PAK3: variants seen among roughly 807,000 people sequenced by gnomAD.
PAK3 encodes the protein serine/threonine-protein kinase PAK 3.
In PAK3, 4 loss-of-function variants were observed where a neutral mutation model predicts 41.0. That is an observed-to-expected ratio of 0.10 (90% CI 0.05 to 0.22). PAK3 has a LOEUF of 0.22. PAK3 is among the 10% of genes least tolerant of loss of function. The pLI is 1.00. For synonymous variants in PAK3, 146 were observed against 139.6 expected, an observed-to-expected ratio of 1.05 and a Z score of -0.32; for missense variants, 205 against 409.9, an observed-to-expected ratio of 0.50 and a Z score of 4.32.
intron 14 of PAK3, among the ~76,000 whole-genome samples, chrX:111,195,024 AC>A (rs1006422217): frequency 4.4e-4 from 49 of 111,843 alleles, no homozygotes; most frequent in African/African-American, 1.4e-3. Flanking sequence ...AAACACACAC[AC>A]TTTTTTACTG....
At chrX:111,067,084 T>C (rs2092707368) in intron 1 of PAK3, among the ~76,000 whole-genome samples, 1 of 112,046 alleles carries the variant, frequency 8.9e-6, no homozygotes, top group African/African-American at 3.2e-5. Flanking sequence ...CTCAGATTTT[T>C]ATATAGCCAT....
At chrX:111,189,673 T>G (rs2094544425) in intron 11 of PAK3, among the ~76,000 whole-genome samples, 1 of 111,943 alleles carries the variant, frequency 8.9e-6, no homozygotes, top group Non-Finnish European at 1.9e-5. Context: ...CTGTGATGAT[T>G]ATTGATGTGG....
chrX:111,073,678 A>C (rs1255876656), intron 1 of PAK3, among the ~76,000 whole-genome samples: 5 of 112,304 alleles, frequency 4.5e-5, no homozygotes, highest in Non-Finnish European at 9.4e-5. Context: ...AAATATGAAC[A>C]GACAAATGGT....
At chrX:111,010,428 A>G (rs2091995156) in intron 1 of PAK3, among the ~76,000 whole-genome samples, 1 of 111,363 alleles carries the variant, frequency 9.0e-6, no homozygotes, top group Non-Finnish European at 1.9e-5. Context: ...GCTAGCTGAT[A>G]TGGTTTGGAT....
intron 3 of PAK3, among the ~76,000 whole-genome samples, 168 bp from the exon 4 acceptor site, chrX:111,102,991 T>C (rs889104584): frequency 9.3e-6 from 1 of 107,144 alleles, no homozygotes; most frequent in African/African-American, 3.6e-5. Context: ...ACCAGAGAGA[T>C]TGAGAAAGAG....
chrX:111,173,181 T>C, intron 11 of PAK3, 100 bp downstream of exon 11: 1 of 508,173 alleles, frequency 2.0e-6, no homozygotes, highest in East Asian at 3.7e-5. Flanking sequence ...ATTATGCTTC[T>C]CATTTCCTAG....
At position 110,996,268 on chromosome X, in the gene PAK3, T is replaced by C. The variant is rs772017555; in HGVS notation, c.-28+51640T>C. Among the ~76,000 whole-genome samples the C allele has an allele frequency of 6.2e-5, 7 of 112,059 alleles. No homozygotes were observed. The East Asian group carries it at 2.0e-3, about 31-fold the overall frequency. On this transcript the variant is annotated intron_variant, in intron 1 of 14. Transcript: ENST00000425146. ...ACAAACTATAATTATTTTGCTTATTTTAGCAACTTATTTAGTAAATATTTA... is the reference window on the plus strand; with the variant it reads ...ACAAACTATAATTATTTTGCTTATTCTAGCAACTTATTTAGTAAATATTTA...
chrX:111,169,230 T>TAC, intron 10 of PAK3: 1 of 244,494 alleles, frequency 4.1e-6, no homozygotes, highest in Admixed American at 4.6e-5. Flanking sequence ...TCAAATACCA[T>TAC]ACACACACAA....
intron 11 of PAK3, among the ~76,000 whole-genome samples, chrX:111,181,837 T>G (rs2094465806): frequency 9.1e-6 from 1 of 110,051 alleles, no homozygotes; most frequent in Non-Finnish European, 1.9e-5. Flanking sequence ...CCCAAAAGTA[T>G]TTGCTTCTTC....
chrX:111,012,261 G>A (rs1339033917), intron 1 of PAK3, among the ~76,000 whole-genome samples: 1 of 111,870 alleles, frequency 8.9e-6, no homozygotes. Context: ...AAAGTTTATT[G>A]TTGATCAGTT....
chrX:111,196,672 C>G, intron 16 of PAK3, 32 bp downstream of exon 16: 1 of 1,055,528 alleles, frequency 9.5e-7, no homozygotes, highest in Non-Finnish European at 1.3e-6. Context: ...GTACTTTATT[C>G]CCAGGAAAGA....
rs1267741332 is a variant in PAK3, at chrX:111,039,697, C to T, written c.-27-83380C>T. ...ATGATTTTTTACTTGGAGAATCAGACTAGATTGTAGCCCACACAGATGCAG... is the reference window on the plus strand; with the variant it reads ...ATGATTTTTTACTTGGAGAATCAGATTAGATTGTAGCCCACACAGATGCAG... On this transcript the variant is annotated intron_variant, in intron 1 of 14. Coordinates refer to the PAK3 transcript ENST00000425146. Among the ~76,000 whole-genome samples, 14 of 111,404 alleles carry T rather than the reference C, an allele frequency of 1.3e-4. No individual in the cohort carries two copies. In the Admixed American group the frequency reaches 1.3e-3, roughly 11 times the overall value.
intron 16 of PAK3, among the ~76,000 whole-genome samples, chrX:111,200,829 G>A (rs1191360426): frequency 8.9e-6 from 1 of 112,392 alleles, no homozygotes; most frequent in Non-Finnish European, 1.9e-5. Context: ...ACTAGTCTCA[G>A]TAATGGATTT....
intron 5 of PAK3, among the ~76,000 whole-genome samples, chrX:111,140,756 C>G (rs907236006): frequency 2.7e-5 from 3 of 111,641 alleles, no homozygotes; most frequent in African/African-American, 9.8e-5. Context: ...TGTATAGTTC[C>G]TCTCACTACT....
chrX:111,135,412 A>T (rs778663868), intron 5 of PAK3, among the ~76,000 whole-genome samples: 1 of 111,268 alleles, frequency 9.0e-6, no homozygotes, highest in African/African-American at 3.3e-5. Flanking sequence ...ATAGCCAGTT[A>T]ACTACATGGG....
At chrX:111,157,787 C>CAA (rs769777507) in intron 8 of PAK3, among the ~76,000 whole-genome samples, 1 of 71,645 alleles carries the variant, frequency 1.4e-5, no homozygotes. Flanking sequence ...AACTCCATCT[C>CAA]AAAAAAAAAA....
intron 16 of PAK3, 86 bp downstream of exon 16, chrX:111,196,726 G>T: frequency 1.6e-6 from 1 of 644,729 alleles, no homozygotes; most frequent in Non-Finnish European, 2.6e-6. Flanking sequence ...AAAGTGACCA[G>T]AATGGGCTCT....
chrX:111,068,118 C>G (rs910793238), intron 1 of PAK3, among the ~76,000 whole-genome samples: 3 of 110,641 alleles, frequency 2.7e-5, no homozygotes, highest in Non-Finnish European at 5.7e-5. Flanking sequence ...TATTTGTGTT[C>G]ATATTTGGCT....
chrX:111,099,153 G>A (rs959845764), intron 3 of PAK3, among the ~76,000 whole-genome samples: 1 of 112,563 alleles, frequency 8.9e-6, no homozygotes, highest in Non-Finnish European at 1.9e-5. Context: ...TCCGGGTGTG[G>A]CAGTCTATTT....
Sources: gnomAD v4.1 joint callset for allele counts (sites outside exome capture counted in the v4.1 genomes callset) on GRCh38, gnomAD v4.1.1 for gene constraint, MANE v1.5 for transcripts, NCBI Gene and HGNC (gene_info 2026-07-23, HGNC 2026-07-21) for gene names.